EIF2B3: variants seen among roughly 807,000 people sequenced by gnomAD.
EIF2B3 encodes the protein eukaryotic translation initiation factor 2B subunit gamma, also known as translation initiation factor eIF2B subunit gamma.
A neutral mutation model predicts 54.1 loss-of-function variants in EIF2B3; 20 were observed. The observed-to-expected ratio is 0.37, with a 90% confidence interval of 0.26 to 0.54. The LOEUF is 0.54. Ranked by LOEUF, EIF2B3 falls within the 20% of genes least tolerant of loss-of-function variation. EIF2B3 has a pLI of 0.86. For synonymous variants in EIF2B3, 153 were observed against 188.1 expected, an observed-to-expected ratio of 0.81 and a Z score of 1.52; for missense variants, 448 against 547.8, an observed-to-expected ratio of 0.82 and a Z score of 1.82.
intron 11 of EIF2B3, among the ~76,000 whole-genome samples, chr1:44,854,123 C>A (rs1654365422): frequency 6.6e-6 from 1 of 151,906 alleles, no homozygotes; most frequent in South Asian, 2.1e-4. Context: ...CTGCCTCAGC[C>A]TCCCAAGTAG....
chr1:44,981,014 A>G lies in EIF2B3; in HGVS notation c.148+7T>C. On this transcript the variant is annotated splice_region_variant and intron_variant, in intron 2 of 11. Coordinates refer to ENST00000360403, the MANE Select transcript of EIF2B3 (RefSeq NM_020365.5). ...ATGAGTTCACAGCTCACTTTGTCATAGCTCACCTTCAAATCCAACACGCTC... is the reference window on the plus strand; with the variant it reads ...ATGAGTTCACAGCTCACTTTGTCATGGCTCACCTTCAAATCCAACACGCTC... 1 of 1,613,914 alleles carries G rather than the reference A, an allele frequency of 6.2e-7. No homozygotes were observed. Among genetic ancestry groups the G allele is most frequent in the Non-Finnish European group, 8.5e-7 (1 of 1,180,002 alleles).
At chr1:44,856,439 CAGG>C (rs1490935023) in intron 11 of EIF2B3, among the ~76,000 whole-genome samples, 2 of 150,454 alleles carry the variant, frequency 1.3e-5, no homozygotes, top group Non-Finnish European at 2.9e-5. Context: ...CACCTGGATC[CAGG>C]AGGAGGAGGC....
At chr1:44,918,581 G>A (rs1245712490) in intron 5 of EIF2B3, among the ~76,000 whole-genome samples, 1 of 151,990 alleles carries the variant, frequency 6.6e-6, no homozygotes, top group African/African-American at 2.4e-5. Context: ...AGTAGAAACA[G>A]GGTTTCACCA....
chr1:44,913,645 C>T (rs538359122), intron 5 of EIF2B3, among the ~76,000 whole-genome samples: 9 of 152,210 alleles, frequency 5.9e-5, no homozygotes, highest in African/African-American at 1.9e-4. Context: ...GCTGGGACTA[C>T]AGGCACGCGT....
intron 4 of EIF2B3, among the ~76,000 whole-genome samples, chr1:44,938,334 A>C (rs1006639978): frequency 1.3e-5 from 2 of 151,930 alleles, no homozygotes; most frequent in Non-Finnish European, 2.9e-5. Flanking sequence ...GGTATTGAGA[A>C]GTTTAAAATT....
At chr1:44,889,390 G>A (rs114877559) in intron 6 of EIF2B3, among the ~76,000 whole-genome samples, 11,210 of 151,772 alleles carry the variant, frequency 0.074, 1,420 homozygotes, top group African/African-American at 0.26. Flanking sequence ...ACAAAACACC[G>A]GCCGGGTGTG....
At chr1:44,900,168 T>C (rs987710213) in intron 5 of EIF2B3, among the ~76,000 whole-genome samples, 6 of 152,054 alleles carry the variant, frequency 3.9e-5, no homozygotes, top group Non-Finnish European at 5.9e-5. Flanking sequence ...AACAAAAGTC[T>C]GGGAACAGTG....
intron 6 of EIF2B3, among the ~76,000 whole-genome samples, chr1:44,893,299 C>CA (rs1411202820): frequency 6.6e-6 from 1 of 152,162 alleles, no homozygotes; most frequent in Non-Finnish European, 1.5e-5. Flanking sequence ...TGCCTATCCC[C>CA]AACTCTTGAC....
intron 10 of EIF2B3, among the ~76,000 whole-genome samples, chr1:44,860,946 G>A (rs564439960): frequency 2.4e-4 from 37 of 152,196 alleles, no homozygotes; most frequent in Non-Finnish European, 4.6e-4. Context: ...CTTCCCAAAT[G>A]CCAAAACTTA....
chr1:44,856,944 A>C (rs2148892801), intron 11 of EIF2B3, among the ~76,000 whole-genome samples: 1 of 152,258 alleles, frequency 6.6e-6, no homozygotes, highest in South Asian at 2.1e-4. Flanking sequence ...AGCTGGGACA[A>C]CACGTGTGTG....
At chr1:44,974,345 T>A (rs263994) in intron 3 of EIF2B3, among the ~76,000 whole-genome samples, 46,844 of 151,174 alleles carry the variant, frequency 0.31, 8,109 homozygotes, top group African/African-American at 0.45. Context: ...TGGTGGTGCA[T>A]GCCTGTAGTC....
At chr1:44,952,379 C>T (rs893274625) in intron 3 of EIF2B3, among the ~76,000 whole-genome samples, 1 of 152,016 alleles carries the variant, frequency 6.6e-6, no homozygotes, top group Non-Finnish European at 1.5e-5. Flanking sequence ...GGATTACCAG[C>T]GTAAGCCACT....
At chr1:44,904,264 T>C (rs547708144) in intron 5 of EIF2B3, among the ~76,000 whole-genome samples, 8 of 152,098 alleles carry the variant, frequency 5.3e-5, no homozygotes, top group African/African-American at 1.7e-4. Flanking sequence ...CAAGAGAAAA[T>C]TAATTTTATC....
intron 3 of EIF2B3, among the ~76,000 whole-genome samples, chr1:44,961,681 C>A (rs557707250): frequency 6.6e-6 from 1 of 152,124 alleles, no homozygotes; most frequent in South Asian, 2.1e-4. Context: ...TATAGCATCT[C>A]TGAATAGGAT....
intron 6 of EIF2B3, among the ~76,000 whole-genome samples, chr1:44,884,437 CAGAGGCTGA>C (rs1557669929): frequency 6.6e-6 from 1 of 152,104 alleles, no homozygotes; most frequent in African/African-American, 2.4e-5. Flanking sequence ...AAGACAGAGG[CAGAGGCTGA>C]GGAGGGTAAG....
At chr1:44,943,661 C>A (rs185488052) in intron 3 of EIF2B3, among the ~76,000 whole-genome samples, 72 of 148,794 alleles carry the variant, frequency 4.8e-4, no homozygotes, top group Admixed American at 1.7e-3. Context: ...TGGACTCAAG[C>A]AATTTGCCCA....
At position 44,868,928 on chromosome 1, in the gene EIF2B3, T is replaced by C. The variant is rs1293428154; in HGVS notation, c.1202+5750A>G. Among the ~76,000 whole-genome samples the C allele has an allele frequency of 2.0e-5, 3 of 152,346 alleles. No homozygotes were observed. The East Asian group carries it at 5.8e-4, about 29-fold the overall frequency. On this transcript the variant is annotated intron_variant, in intron 10 of 11. Transcript: ENST00000360403. Reference sequence around the variant, plus strand: ...ATAAAAATTCAGGAGTTCAGCTGGATGACTTCTAAGGCCTCATCTCACACT... The same window carrying C: ...ATAAAAATTCAGGAGTTCAGCTGGACGACTTCTAAGGCCTCATCTCACACT...
chr1:44,910,634 T>A (rs12727486), intron 5 of EIF2B3, among the ~76,000 whole-genome samples: 5 of 102,410 alleles, frequency 4.9e-5, no homozygotes, highest in African/African-American at 2.4e-4. Flanking sequence ...AGTAATGCTT[T>A]TTTTTTTTTT....
chr1:44,906,695 C>T (rs761810790), intron 5 of EIF2B3, among the ~76,000 whole-genome samples: 56 of 152,188 alleles, frequency 3.7e-4, no homozygotes, highest in Non-Finnish European at 3.2e-4. Flanking sequence ...CCACCGTGCC[C>T]GGGATAAAAG....
Sources: gnomAD v4.1 joint callset for allele counts (sites outside exome capture counted in the v4.1 genomes callset) on GRCh38, gnomAD v4.1.1 for gene constraint, MANE v1.5 for transcripts, NCBI Gene and HGNC (gene_info 2026-07-23, HGNC 2026-07-21) for gene names.